NSD3: variants seen among roughly 807,000 people sequenced by gnomAD.
NSD3 encodes histone-lysine N-methyltransferase NSD3.
In NSD3, 24 loss-of-function variants were observed where a neutral mutation model predicts 160.8. The observed-to-expected ratio is 0.15, with a 90% confidence interval of 0.11 to 0.21. The LOEUF is 0.21. Among genes scored for constraint, NSD3 ranks in the 10% least tolerant of loss-of-function variants. The pLI, the probability that NSD3 is intolerant of heterozygous loss-of-function variation, is 1.00. For missense variants in NSD3, 1,157 were observed against 1,735.9 expected, an observed-to-expected ratio of 0.67 and a Z score of 5.93; for synonymous variants, 520 against 600.0, an observed-to-expected ratio of 0.87 and a Z score of 1.95.
chr8:38,330,839 A>G (rs1167938107), intron 5 of NSD3, among the ~76,000 whole-genome samples: 5 of 152,208 alleles, frequency 3.3e-5, no homozygotes, highest in Non-Finnish European at 5.9e-5. Flanking sequence ...CACATCAAAT[A>G]TATTTCCTGA....
chr8:38,322,640 C>A (rs1809817257), intron 7 of NSD3, among the ~76,000 whole-genome samples: 1 of 152,072 alleles, frequency 6.6e-6, no homozygotes, highest in Non-Finnish European at 1.5e-5. Context: ...CTGAAAGTTA[C>A]CCAAAGAACA....
chr8:38,270,767 T>G lies in NSD3; in HGVS notation c.*4874A>C, dbSNP rs905711597. ...GAAAACTAAGGACTGAATAAATGAC[T>G]TTGGCATCTATTCTATTTTCCCTTT... On this transcript the variant is annotated 3_prime_UTR_variant, in exon 24 of 24. Coordinates refer to ENST00000317025, the MANE Select transcript of NSD3 (RefSeq NM_023034.2). The G allele has an allele frequency of 6.6e-6, 1 of 152,234 alleles. No individual in the cohort carries two copies. Among genetic ancestry groups the G allele is most frequent in the African/African-American group, 2.4e-5 (1 of 41,460 alleles). The allele number at this position is 152,234 out of a possible 1,614,324, so 9.4% of individuals were successfully genotyped here.
intron 1 of NSD3, among the ~76,000 whole-genome samples, chr8:38,353,754 T>C (rs1204562362): frequency 2.0e-5 from 3 of 152,212 alleles, no homozygotes; most frequent in African/African-American, 7.2e-5. Context: ...TATTTGATCC[T>C]CAAAACAACT....
chr8:38,368,247 A>G (rs2150393856), intron 1 of NSD3, among the ~76,000 whole-genome samples: 1 of 152,348 alleles, frequency 6.6e-6, no homozygotes, highest in East Asian at 1.9e-4. Context: ...GGTGTGAGCC[A>G]CTGCACCAGG....
intron 2 of NSD3, among the ~76,000 whole-genome samples, chr8:38,345,464 C>T (rs533997012): frequency 1.3e-5 from 2 of 152,234 alleles, no homozygotes; most frequent in South Asian, 4.2e-4. Flanking sequence ...AGTAATATTC[C>T]AGGCAGTCAA....
rs1457309663 is a variant in NSD3, at chr8:38,317,352, A to AC, written c.1856-1311dup. The AC allele has an allele frequency of 1.9e-6, 2 of 1,057,344 alleles. No homozygotes were observed. Among genetic ancestry groups the AC allele is most frequent in the Non-Finnish European group, 1.1e-6 (1 of 874,318 alleles). 65.5% of individuals were successfully genotyped at this position (1,057,344 alleles called of 1,614,324 possible). On this transcript the variant is annotated intron_variant, in intron 9 of 23. Coordinates refer to ENST00000317025, the MANE Select transcript of NSD3 (RefSeq NM_023034.2). This position sits in a 1 kb window ranked among gnomAD's most constrained non-coding sequence, Gnocchi z 5.3. ...TATCTCCTTCATTGCTGGTGTATGGACCCAGAACACCATCACAAAATATTT... is the reference window on the plus strand; with the variant it reads ...TATCTCCTTCATTGCTGGTGTATGGACCCCAGAACACCATCACAAAATATTT...
At position 38,275,547 on chromosome 8, in the gene NSD3, G is replaced by T; in HGVS notation, c.*94C>A. On this transcript the variant is annotated 3_prime_UTR_variant, in exon 24 of 24. Transcript: ENST00000317025. ...TTGCTTTAATAAGGCAGTTCCGATG[G>T]CAAAGGCTGTATGCACTGTAGCAGT... The T allele has an allele frequency of 8.0e-7, 1 of 1,254,284 alleles. No homozygotes were observed. Among genetic ancestry groups the T allele is most frequent in the Non-Finnish European group, 1.1e-6 (1 of 916,244 alleles). The allele number at this position is 1,254,284 out of a possible 1,614,324, so 77.7% of individuals were successfully genotyped here. A position where few individuals can be genotyped will look rare whatever the true frequency, so the allele number is the denominator to read the frequency against.
At chr8:38,357,670 G>T (rs910109940) in intron 1 of NSD3, among the ~76,000 whole-genome samples, 4 of 152,040 alleles carry the variant, frequency 2.6e-5, no homozygotes, top group Non-Finnish European at 5.9e-5. Flanking sequence ...ACCATAAAAT[G>T]ATCTGTTTAT....
intron 1 of NSD3, among the ~76,000 whole-genome samples, chr8:38,354,151 GC>G (rs1429128491): frequency 2.0e-5 from 3 of 152,130 alleles, no homozygotes; most frequent in Non-Finnish European, 2.9e-5. Flanking sequence ...CAGTCATTTA[GC>G]AAATCTCGCA....
intron 1 of NSD3, among the ~76,000 whole-genome samples, chr8:38,357,582 T>A (rs1810856894): frequency 6.6e-6 from 1 of 152,160 alleles, no homozygotes. Flanking sequence ...TTCCAAGAAG[T>A]AGTCACTTAA....
chr8:38,325,864 A>G (rs1809898022), intron 7 of NSD3, among the ~76,000 whole-genome samples: 1 of 149,462 alleles, frequency 6.7e-6, no homozygotes, highest in Admixed American at 6.6e-5. Context: ...CTCAAAAAAA[A>G]AAAGGCCAGA....
chr8:38,318,233 T>C lies in NSD3; in HGVS notation c.1855+662A>G, dbSNP rs976491529. ...GCTGTTGTTTTATTTTATTTTTAAA[T>C]AATGCAATTTGCCCAGAGTAAACTA... On this transcript the variant is annotated intron_variant, in intron 9 of 23. Transcript: ENST00000317025. This position sits in a 1 kb window ranked among gnomAD's most constrained non-coding sequence, Gnocchi z 5.3. Among the ~76,000 whole-genome samples the C allele has an allele frequency of 2.0e-5, 3 of 152,138 alleles. No individual in the cohort carries two copies. Among genetic ancestry groups the C allele is most frequent in the African/African-American group, 7.2e-5 (3 of 41,436 alleles).
rs1405177558 is a variant in NSD3 at position 38,275,491 on chromosome 8, G to C, written c.*150C>G. The C allele has an allele frequency of 4.3e-6, 3 of 698,282 alleles. No individual in the cohort carries two copies. Among genetic ancestry groups the C allele is most frequent in the Non-Finnish European group, 7.0e-6 (3 of 426,818 alleles). 43.3% of individuals were successfully genotyped at this position (698,282 alleles called of 1,614,324 possible). On this transcript the variant is annotated 3_prime_UTR_variant, in exon 24 of 24. Coordinates refer to ENST00000317025, the MANE Select transcript of NSD3 (RefSeq NM_023034.2). Reference sequence around the variant, plus strand: ...AAACAAAAACCAGACACCACCAACTGCTTCTGCCTGCATGAACTGGTTTCC... The same window carrying C: ...AAACAAAAACCAGACACCACCAACTCCTTCTGCCTGCATGAACTGGTTTCC...
chr8:38,304,715 G>A lies in NSD3; in HGVS notation c.2483C>T (p.Ser828Phe). Residue 828 changes from serine to phenylalanine, a missense_variant, in exon 14 of 24, where the codon TCT (serine) becomes TTT (phenylalanine). Ser to Phe is a radical substitution (Grantham distance 155). This residue lies in a region of NSD3 where 437 missense variants were observed against 576.6 expected (regional missense o/e 0.76). Transcript: ENST00000317025. ...RCLRCPVAYH[S>F]GDACIAAGSM... ...TCCGGCCGCAATGCAAGCATCTCCA[G>A]AGTGATAGGCAACTGGACATCTTAA... The A allele has an allele frequency of 6.2e-7, 1 of 1,613,918 alleles. No individual in the cohort carries two copies. The highest frequency in any genetic ancestry group is 1.3e-5 in the African/African-American group (1 of 75,058).
At chr8:38,349,657 TTC>T (rs1285437277) in intron 1 of NSD3, among the ~76,000 whole-genome samples, 2 of 111,476 alleles carry the variant, frequency 1.8e-5, no homozygotes, top group African/African-American at 3.2e-5. Context: ...TTATTGTAAT[TTC>T]TTTCTTTATA....
chr8:38,379,516 A>C (rs181173897), intron 1 of NSD3, among the ~76,000 whole-genome samples: 1 of 152,136 alleles, frequency 6.6e-6, no homozygotes. Context: ...ACTGTTCCTC[A>C]CAGAATTTCA....
intron 6 of NSD3, among the ~76,000 whole-genome samples, chr8:38,328,455 A>C (rs1422979648): frequency 2.0e-5 from 3 of 152,202 alleles, no homozygotes; most frequent in Non-Finnish European, 2.9e-5. Flanking sequence ...CTGCAATTCA[A>C]GTTTTTGCAG....
chr8:38,295,776 T>G lies in NSD3; in HGVS notation c.2915+20A>C. The G allele has an allele frequency of 6.2e-7, 1 of 1,610,626 alleles. No individual in the cohort carries two copies. The highest frequency in any genetic ancestry group is 8.5e-7 in the Non-Finnish European group (1 of 1,178,170). ...TGCACAATGATTGAATACTTCCTCT[T>G]TGTTCTTGGAAAAACTTGCCTGTAA... On this transcript the variant is annotated intron_variant, in intron 16 of 23. Coordinates refer to ENST00000317025, the MANE Select transcript of NSD3 (RefSeq NM_023034.2).
chr8:38,311,050 G>A (rs898397314), intron 12 of NSD3, among the ~76,000 whole-genome samples: 2 of 145,988 alleles, frequency 1.4e-5, no homozygotes, highest in African/African-American at 2.5e-5. Context: ...ATCTCATTGT[G>A]GCTTTGATTT....
Sources: gnomAD v4.1 joint callset for allele counts (sites outside exome capture counted in the v4.1 genomes callset) on GRCh38, gnomAD v4.1.1 for gene constraint, gnomAD v4.1.1 regional missense constraint, Gnocchi (gnomAD v3.1) non-coding constraint, MANE v1.5 for transcripts, NCBI Gene and HGNC (gene_info 2026-07-23, HGNC 2026-07-21) for gene names.